Variants in SLC71A2 observed in about 807,000 individuals in gnomAD.
SLC71A2 encodes solute carrier family 71 member 2.
the SLC71A2 span, among the ~76,000 whole-genome samples, chr9:94,410,519 C>G: frequency 6.6e-6 from 1 of 151,908 alleles, no homozygotes; most frequent in African/African-American, 2.4e-5. Flanking sequence ...CACCACCGCT[C>G]CTGGCTGAGA....
the SLC71A2 span, among the ~76,000 whole-genome samples, chr9:94,399,202 C>A: frequency 6.6e-6 from 1 of 152,172 alleles, no homozygotes; most frequent in Non-Finnish European, 1.5e-5. Flanking sequence ...TGAGACCTGG[C>A]TTGCCATGCT....
At chr9:94,384,408 G>A in the SLC71A2 span, among the ~76,000 whole-genome samples, 7 of 148,032 alleles carry the variant, frequency 4.7e-5, no homozygotes, top group African/African-American at 1.7e-4. Flanking sequence ...GCATGATCAC[G>A]GCTCAGTGGA....
At chr9:94,375,317 G>C in the SLC71A2 span, among the ~76,000 whole-genome samples, 13 of 151,872 alleles carry the variant, frequency 8.6e-5, no homozygotes, top group African/African-American at 3.2e-4. Flanking sequence ...GGCAGATGCC[G>C]GGCAGCGCCT....
the SLC71A2 span, among the ~76,000 whole-genome samples, chr9:94,420,398 C>T: frequency 2.0e-5 from 3 of 152,094 alleles, no homozygotes; most frequent in Admixed American, 1.3e-4. Flanking sequence ...AACTGAAAAC[C>T]ACCATTTCTG....
the SLC71A2 span, among the ~76,000 whole-genome samples, chr9:94,378,696 G>A: frequency 6.6e-6 from 1 of 152,314 alleles, no homozygotes. Flanking sequence ...AAACAATTGA[G>A]AAGAGATCAG....
At chr9:94,402,841 A>G in the SLC71A2 span, among the ~76,000 whole-genome samples, 1 of 152,146 alleles carries the variant, frequency 6.6e-6, no homozygotes, top group East Asian at 1.9e-4. Flanking sequence ...TTTGCATTTT[A>G]TTTTTAATGC....
the SLC71A2 span, among the ~76,000 whole-genome samples, chr9:94,411,933 A>G: frequency 1.7e-4 from 26 of 152,286 alleles, no homozygotes; most frequent in South Asian, 4.4e-3. Flanking sequence ...CTTTGTGCAT[A>G]TGGCACCTCA....
chr9:94,453,879 A>G, the SLC71A2 span: 1 of 939,144 alleles, frequency 1.1e-6, no homozygotes, highest in Non-Finnish European at 1.7e-6. Flanking sequence ...TCATCAGGGA[A>G]GGGTCTTCAC....
At chr9:94,459,201 G>A in the SLC71A2 span, 8 of 1,614,110 alleles carry the variant, frequency 5.0e-6, no homozygotes, top group Non-Finnish European at 6.8e-6. Context: ...TTTGGGGCAT[G>A]TATAGTCCTT....
chr9:94,452,614 AAT>A, the SLC71A2 span, among the ~76,000 whole-genome samples: 21,748 of 140,938 alleles, frequency 0.15, 2,303 homozygotes, highest in Non-Finnish European at 0.22. Context: ...AGAGAGGGAG[AAT>A]ATATATATAT....
the SLC71A2 span, among the ~76,000 whole-genome samples, chr9:94,389,446 A>G: frequency 1.3e-5 from 2 of 151,186 alleles, no homozygotes; most frequent in African/African-American, 4.9e-5. Flanking sequence ...TTGTATATAT[A>G]TATATTTTTT....
chr9:94,377,384 GT>G, the SLC71A2 span, among the ~76,000 whole-genome samples: 57,888 of 143,730 alleles, frequency 0.4, 13,609 homozygotes, highest in African/African-American at 0.67. Flanking sequence ...TGTTTTCTGT[GT>G]TTTTTTTTTT....
the SLC71A2 span, among the ~76,000 whole-genome samples, chr9:94,379,366 G>A: frequency 1.4e-5 from 2 of 146,002 alleles, no homozygotes; most frequent in African/African-American, 5.1e-5. Context: ...AATTACAGGC[G>A]TGAGCCACTG....
At chr9:94,418,678 TGCCTGCCTCG>T in the SLC71A2 span, among the ~76,000 whole-genome samples, 63 of 152,016 alleles carry the variant, frequency 4.1e-4, no homozygotes, top group Non-Finnish European at 6.0e-4. Context: ...TCAAGTGATC[TGCCTGCCTCG>T]GCTGGCCTCC....
the SLC71A2 span, among the ~76,000 whole-genome samples, chr9:94,378,694 G>A: frequency 3.3e-4 from 51 of 152,266 alleles, no homozygotes; most frequent in African/African-American, 1.2e-3. Context: ...CCAAACAATT[G>A]AGAAGAGATC....
chr9:94,392,418 T>TGTGATATC, the SLC71A2 span, among the ~76,000 whole-genome samples: 1 of 152,002 alleles, frequency 6.6e-6, no homozygotes, highest in Non-Finnish European at 1.5e-5. Flanking sequence ...ATTATAGCTG[T>TGTGATATC]TGTTAAATGT....
chr9:94,397,057 A>G, the SLC71A2 span, among the ~76,000 whole-genome samples: 2 of 152,210 alleles, frequency 1.3e-5, no homozygotes, highest in African/African-American at 2.4e-5. Flanking sequence ...GGCGTGAGCC[A>G]CCGTGCCCGG....
At chr9:94,427,959 C>A in the SLC71A2 span, among the ~76,000 whole-genome samples, 13 of 151,434 alleles carry the variant, frequency 8.6e-5, no homozygotes, top group Non-Finnish European at 1.5e-4. Context: ...CCACCTCTAC[C>A]AAAAATACAA....
chr9:94,391,494 TCA>T, the SLC71A2 span, among the ~76,000 whole-genome samples: 1 of 151,782 alleles, frequency 6.6e-6, no homozygotes, highest in East Asian at 1.9e-4. Context: ...TACAGTACTA[TCA>T]CTAGAGAAGT....
Sources: gnomAD v4.1 joint callset for allele counts (sites outside exome capture counted in the v4.1 genomes callset) on GRCh38, gnomAD v4.1.1 for gene constraint, MANE v1.5 for transcripts, NCBI Gene and HGNC (gene_info 2026-07-23, HGNC 2026-07-21) for gene names.